Variants in TTC39C observed in about 807,000 individuals in gnomAD.
The protein encoded by TTC39C is tetratricopeptide repeat domain 39C, also known as tetratricopeptide repeat protein 39C.
In TTC39C, 33 loss-of-function variants were observed where a neutral mutation model predicts 76.3. That is an observed-to-expected ratio of 0.43 (90% CI 0.33 to 0.58). The LOEUF is 0.58. TTC39C is among the 20% of genes least tolerant of loss of function. The pLI, the probability that TTC39C is intolerant of heterozygous loss-of-function variation, is 0.04. For synonymous variants in TTC39C, 254 were observed against 260.6 expected (o/e 0.97, Z 0.24); for missense variants, 595 against 701.4 (o/e 0.85, Z 1.71).
chr18:24,087,921 C>A (rs925590211), intron 6 of TTC39C, among the ~76,000 whole-genome samples: 1 of 152,160 alleles, frequency 6.6e-6, no homozygotes, highest in Non-Finnish European at 1.5e-5. Context: ...GAAATCTGGG[C>A]CTAGCACAGG....
At position 24,080,883 on chromosome 18, in the gene TTC39C, G is replaced by C. The variant is rs746318531; in HGVS notation, c.759G>C (p.Gly253=). ...LLGFPGDRLQ[G]LSSLMYASES... The stretch of plus-strand genomic sequence containing the variant: ...GTTTTCCTGGAGACCGCCTACAGGG[G>C]CTTTCTTCACTGATGTATGCAAGCG... Residue 253 remains glycine, a synonymous_variant, in exon 5 of 14, where the codon GGG becomes GGC. Transcript: ENST00000317571. The C allele has an allele frequency of 5.0e-6, 8 of 1,614,022 alleles. No homozygotes were observed. The highest frequency in any genetic ancestry group is 6.8e-6 in the Non-Finnish European group (8 of 1,180,014).
intron 6 of TTC39C, chr18:24,113,435 GCCCACC>G (rs2084843321): frequency 1.6e-6 from 1 of 611,156 alleles, no homozygotes; most frequent in African/African-American, 1.8e-5. Context: ...GACCCTTCCA[GCCCACC>G]TGGCTGGCTG....
At chr18:24,113,764 G>A (rs1325957729) in intron 6 of TTC39C, 8 of 691,866 alleles carry the variant, frequency 1.2e-5, no homozygotes, top group African/African-American at 5.3e-5. Flanking sequence ...TTGTGGCATC[G>A]TGTTGGCAGA....
intron 1 of TTC39C, among the ~76,000 whole-genome samples, chr18:24,016,480 A>G (rs1390555287): frequency 6.6e-6 from 1 of 152,178 alleles, no homozygotes; most frequent in East Asian, 1.9e-4. Context: ...GTAGAGTCAA[A>G]TTTACCCTTT....
At chr18:24,024,244 C>T (rs2083569964) in intron 1 of TTC39C, among the ~76,000 whole-genome samples, 1 of 150,274 alleles carries the variant, frequency 6.7e-6, no homozygotes, top group African/African-American at 2.4e-5. Flanking sequence ...AACGTCTGAC[C>T]TAATGATCTG....
At chr18:24,119,596 A>C (rs2084939871) in intron 8 of TTC39C, among the ~76,000 whole-genome samples, 1 of 150,418 alleles carries the variant, frequency 6.6e-6, no homozygotes, top group East Asian at 2.0e-4. Context: ...TCTTTTGTCC[A>C]TATTCCGCAT....
chr18:24,116,684 C>T (rs1255491546), intron 7 of TTC39C, among the ~76,000 whole-genome samples: 2 of 152,178 alleles, frequency 1.3e-5, no homozygotes, highest in African/African-American at 2.4e-5. Flanking sequence ...TACACAATTA[C>T]TTAGTGATGC....
chr18:24,126,424 T>G (rs1452534623), intron 10 of TTC39C, among the ~76,000 whole-genome samples: 1 of 64,506 alleles, frequency 1.6e-5, no homozygotes, highest in African/African-American at 3.9e-5. Context: ...TGCCTATTTC[T>G]TTAAAAAAAA....
intron 10 of TTC39C, among the ~76,000 whole-genome samples, chr18:24,126,993 G>A (rs1179842028): frequency 1.3e-5 from 2 of 152,136 alleles, no homozygotes; most frequent in Non-Finnish European, 2.9e-5. Flanking sequence ...TATAAGGTAG[G>A]CAGTAATTAA....
At chr18:24,018,432 C>G (rs1036383846) in intron 1 of TTC39C, among the ~76,000 whole-genome samples, 1 of 152,160 alleles carries the variant, frequency 6.6e-6, no homozygotes, top group Non-Finnish European at 1.5e-5. Flanking sequence ...GCATATGTGA[C>G]GTGCACTCAG....
chr18:24,128,815 C>A, intron 10 of TTC39C, 71 bp from the exon 11 acceptor site: 1 of 1,225,326 alleles, frequency 8.2e-7, no homozygotes, highest in Non-Finnish European at 1.2e-6. Flanking sequence ...ATTTACCTCA[C>A]TCTTCATGAT....
At position 24,135,361 on chromosome 18, in the gene TTC39C, GTTA is replaced by G. The variant is rs2085188069; in HGVS notation, c.*2788_*2790del. 6.6e-6 allele frequency: 1 copy of G among 152,472 alleles called. No homozygotes were observed. Among genetic ancestry groups the G allele is most frequent in the Admixed American group, 6.6e-5 (1 of 15,254 alleles). 9.4% of individuals were successfully genotyped at this position (152,472 alleles called of 1,614,324 possible). On this transcript the variant is annotated 3_prime_UTR_variant, in exon 14 of 14. Transcript: ENST00000317571. ...CAGATGGCGCCTGTGGTAAATCTGT[GTTA>G]ACATGGTGGTAGACCATGGAGAATG... is the stretch of plus-strand genomic sequence containing the variant.
upstream of TTC39C, among the ~76,000 whole-genome samples, chr18:24,013,336 G>A (rs1483622762): frequency 1.3e-5 from 2 of 152,126 alleles, no homozygotes; most frequent in Non-Finnish European, 2.9e-5. Flanking sequence ...TTAAGGAGTG[G>A]CAGTAATTCT....
chr18:24,080,683 C>A lies in TTC39C; in HGVS notation c.559C>A (p.Leu187Ile). ...NALQELYQKK[L>I]TEESLTSDAA... ...CCTTCAGGAGCTGTATCAGAAGAAG[C>A]TAACTGAAGAGTCCTTGACTTCTGA... The change falls in exon 5 of 14, where the codon CTA becomes ATA. Residue 187 changes from leucine (L) to isoleucine (I), a missense_variant. Coordinates refer to ENST00000317571, the MANE Select transcript of TTC39C (RefSeq NM_001135993.2). 1.2e-6 allele frequency: 2 copies of A among 1,614,104 alleles called. No individual in the cohort carries two copies. The highest frequency in any genetic ancestry group is 1.7e-6 in the Non-Finnish European group (2 of 1,179,984).
intron 1 of TTC39C, among the ~76,000 whole-genome samples, chr18:24,059,489 G>A (rs1599284341): frequency 6.6e-6 from 1 of 152,168 alleles, no homozygotes; most frequent in Non-Finnish European, 1.5e-5. Context: ...TCCTGCATGA[G>A]TTTGCTAAGG....
At chr18:24,024,806 A>T (rs1191812627) in intron 1 of TTC39C, among the ~76,000 whole-genome samples, 1 of 152,224 alleles carries the variant, frequency 6.6e-6, no homozygotes, top group Non-Finnish European at 1.5e-5. Flanking sequence ...CCGACTCCTG[A>T]GGACAGTTTC....
At chr18:24,107,829 A>C (rs1202872018) in intron 6 of TTC39C, among the ~76,000 whole-genome samples, 1 of 151,910 alleles carries the variant, frequency 6.6e-6, no homozygotes, top group African/African-American at 2.4e-5. Context: ...ACAAAATCAC[A>C]GCTCATTGCA....
chr18:24,063,144 A>T (rs2084119706), intron 1 of TTC39C, among the ~76,000 whole-genome samples: 1 of 152,268 alleles, frequency 6.6e-6, no homozygotes, highest in South Asian at 2.1e-4. Context: ...TGCAATTTAT[A>T]GAAATCTGGA....
chr18:24,100,503 G>T (rs1051170211), intron 6 of TTC39C, among the ~76,000 whole-genome samples: 1 of 152,234 alleles, frequency 6.6e-6, no homozygotes, highest in African/African-American at 2.4e-5. Flanking sequence ...CCCAGGAGGC[G>T]TGTGCAGCAC....
Sources: gnomAD v4.1 joint callset for allele counts (sites outside exome capture counted in the v4.1 genomes callset) on GRCh38, gnomAD v4.1.1 for gene constraint, MANE v1.5 for transcripts, NCBI Gene and HGNC (gene_info 2026-07-23, HGNC 2026-07-21) for gene names.